TRPM3: variants seen among roughly 807,000 people sequenced by gnomAD.
The protein encoded by TRPM3 is long transient receptor potential channel 3.
A neutral mutation model predicts 181.2 loss-of-function variants in TRPM3; 77 were observed. The ratio of observed to expected loss-of-function variants is 0.42; its 90% CI spans 0.35 to 0.51. TRPM3 has a LOEUF of 0.51. Among genes scored for constraint, TRPM3 ranks in the 20% least tolerant of loss-of-function variants. The pLI, the probability that TRPM3 is intolerant of heterozygous loss-of-function variation, is 0.01. For missense variants in TRPM3, 1,759 were observed against 2,196.7 expected (o/e 0.80, Z 3.98); for synonymous variants, 745 against 796.4 (o/e 0.94, Z 1.09).
intron 1 of TRPM3, among the ~76,000 whole-genome samples, chr9:70,998,235 A>C (rs917322061): frequency 2.1e-5 from 3 of 141,568 alleles, no homozygotes; most frequent in African/African-American, 7.9e-5. Flanking sequence ...ATATACACAC[A>C]CACACACACA....
chr9:70,538,211 GC>G (rs780361521), intron 25 of TRPM3, among the ~76,000 whole-genome samples: 10 of 152,176 alleles, frequency 6.6e-5, no homozygotes, highest in Admixed American at 2.0e-4. Flanking sequence ...TCTCTGGTTA[GC>G]TGATCACAGA....
intron 1 of TRPM3, among the ~76,000 whole-genome samples, chr9:71,151,262 T>A (rs1034262415): frequency 1.3e-5 from 2 of 152,002 alleles, no homozygotes; most frequent in Non-Finnish European, 2.9e-5. Context: ...CACAAAGGGA[T>A]ACATTTTCCA....
In TRPM3 at chr9:70,530,683, A is replaced by T. The variant is rs2040759310; in HGVS notation, c.*5270T>A. 6.6e-6 allele frequency: 1 copy of T among 152,240 alleles called. No individual in the cohort carries two copies. Among genetic ancestry groups the T allele is most frequent in the African/African-American group, 2.4e-5 (1 of 41,464 alleles). The allele number at this position is 152,240 out of a possible 1,614,324, so 9.4% of individuals were successfully genotyped here. A position where few individuals can be genotyped will look rare whatever the true frequency, so the allele number is the denominator to read the frequency against. ...GAAATCATCAGAGAAAAGGTAACAC[A>T]ACTACCTTCTGAGAGGAATTAAAAG... On this transcript the variant is annotated 3_prime_UTR_variant, in exon 26 of 26. Coordinates refer to ENST00000677713, the MANE Select transcript of TRPM3 (RefSeq NM_001366145.2).
chr9:70,749,979 C>G (rs2075838751), intron 8 of TRPM3, among the ~76,000 whole-genome samples: 1 of 152,150 alleles, frequency 6.6e-6, no homozygotes, highest in African/African-American at 2.4e-5. Flanking sequence ...AAAATAATTA[C>G]TATTTAATCT....
chr9:70,795,577 A>C (rs1235458872), intron 6 of TRPM3, among the ~76,000 whole-genome samples: 1 of 152,120 alleles, frequency 6.6e-6, no homozygotes, highest in Non-Finnish European at 1.5e-5. Flanking sequence ...CAAAAGGCTA[A>C]CTCTTCCTGC....
intron 1 of TRPM3, among the ~76,000 whole-genome samples, chr9:70,962,531 C>T (rs10868931): frequency 0.19 from 28,280 of 152,008 alleles, 2,927 homozygotes; most frequent in Non-Finnish European, 0.22. Flanking sequence ...ATGGTAAGGA[C>T]GGAATGAGAT....
chr9:71,420,595 AAAGAG>A (rs758025454), intron 1 of TRPM3, among the ~76,000 whole-genome samples: 1 of 144,244 alleles, frequency 6.9e-6, no homozygotes, highest in South Asian at 2.1e-4. Context: ...AGAAAAAGAG[AAAGAG>A]AAGAGAAAGA....
intron 1 of TRPM3, among the ~76,000 whole-genome samples, chr9:71,337,633 G>A (rs1242697088): frequency 6.6e-6 from 1 of 152,158 alleles, no homozygotes; most frequent in Non-Finnish European, 1.5e-5. Flanking sequence ...ACATGCACAT[G>A]TATGTTTATT....
chr9:70,813,502 C>T (rs985893422), intron 6 of TRPM3, among the ~76,000 whole-genome samples: 4 of 152,156 alleles, frequency 2.6e-5, no homozygotes, highest in Admixed American at 2.0e-4. Flanking sequence ...AAATAATAGA[C>T]ACTAGGGACT....
At chr9:71,256,047 C>T (rs1565390663) in intron 1 of TRPM3, among the ~76,000 whole-genome samples, 3 of 152,254 alleles carry the variant, frequency 2.0e-5, no homozygotes, top group East Asian at 3.9e-4. Flanking sequence ...GATTTCAGCC[C>T]ATCTGAAGGC....
intron 1 of TRPM3, among the ~76,000 whole-genome samples, chr9:71,023,873 G>A (rs1412638741): frequency 1.3e-5 from 2 of 152,080 alleles, no homozygotes; most frequent in Non-Finnish European, 2.9e-5. Flanking sequence ...TATAAAAAGC[G>A]TGACCCAAAA....
At chr9:71,322,831 T>C (rs1460618518) in intron 1 of TRPM3, among the ~76,000 whole-genome samples, 1 of 152,118 alleles carries the variant, frequency 6.6e-6, no homozygotes, top group Non-Finnish European at 1.5e-5. Context: ...AAAATTGTGT[T>C]TAGTTTTTTT....
At chr9:70,701,666 C>A (rs1029631998) in intron 8 of TRPM3, among the ~76,000 whole-genome samples, 5 of 152,106 alleles carry the variant, frequency 3.3e-5, no homozygotes, top group African/African-American at 1.2e-4. Flanking sequence ...GGAACATTTT[C>A]TAATTATTTT....
At chr9:71,144,106 A>T (rs2075280132) in intron 1 of TRPM3, among the ~76,000 whole-genome samples, 1 of 152,180 alleles carries the variant, frequency 6.6e-6, no homozygotes, top group Non-Finnish European at 1.5e-5. Flanking sequence ...TCTTAACACA[A>T]CGACTTCCTT....
intron 22 of TRPM3, among the ~76,000 whole-genome samples, chr9:70,557,702 TA>T (rs1210958789): frequency 1.3e-5 from 2 of 152,216 alleles, no homozygotes; most frequent in African/African-American, 4.8e-5. Context: ...TTAGGAAACG[TA>T]GGCTGGTGAC....
At chr9:71,245,735 T>C (rs2081999747) in intron 1 of TRPM3, among the ~76,000 whole-genome samples, 1 of 152,124 alleles carries the variant, frequency 6.6e-6, no homozygotes, top group South Asian at 2.1e-4. Flanking sequence ...TAAGGGACTT[T>C]GGAAAAGGGC....
At chr9:71,351,800 G>A (rs966179418) in intron 1 of TRPM3, among the ~76,000 whole-genome samples, 1 of 151,662 alleles carries the variant, frequency 6.6e-6, no homozygotes, top group Non-Finnish European at 1.5e-5. Context: ...AACAATAAAG[G>A]TTATGGGAGG....
intron 1 of TRPM3, among the ~76,000 whole-genome samples, chr9:70,874,870 TTCTC>T (rs1195021146): frequency 2.6e-5 from 4 of 151,966 alleles, no homozygotes; most frequent in Admixed American, 6.6e-5. Context: ...ATCAATCTCT[TTCTC>T]TCTCTCTGTC....
At chr9:70,784,310 AAAG>A in intron 6 of TRPM3, 31 bp from the exon 7 acceptor site, 1 of 1,545,846 alleles carries the variant, frequency 6.5e-7, no homozygotes, top group Non-Finnish European at 8.7e-7. Flanking sequence ...AAAAGGAAAA[AAAG>A]AGAAAAGAAC....
Sources: allele counts gnomAD v4.1 joint callset (sites outside exome capture counted in the v4.1 genomes callset), GRCh38; gene constraint gnomAD v4.1.1; transcripts MANE v1.5; gene names NCBI Gene and HGNC (gene_info 2026-07-23, HGNC 2026-07-21).